MACROH2A1: variants seen among roughly 807,000 people sequenced by gnomAD.
The protein encoded by MACROH2A1 is core histone macro-H2A.1.
MACROH2A1 carries 2 observed loss-of-function variants against 31.6 expected under a neutral mutation model. That is an observed-to-expected ratio of 0.06 (90% CI 0.03 to 0.20). The LOEUF (loss-of-function observed/expected upper bound fraction) is 0.20. MACROH2A1 is among the 10% of genes least tolerant of loss of function. The probability of loss-of-function intolerance (pLI) is 1.00; values close to 1 mark genes in which losing one functional copy is unlikely to be tolerated. For missense variants in MACROH2A1, 230 were observed against 474.0 expected (o/e 0.49, Z 4.78); for synonymous variants, 169 against 189.6 (o/e 0.89, Z 0.89).
chr5:135,375,634 A>C (rs566622873), intron 2 of MACROH2A1, among the ~76,000 whole-genome samples: 1 of 152,206 alleles, frequency 6.6e-6, no homozygotes, highest in Non-Finnish European at 1.5e-5. Context: ...TGCAATAGGA[A>C]AGAGTCAGGG....
At chr5:135,371,435 G>A (rs576291926) in intron 2 of MACROH2A1, among the ~76,000 whole-genome samples, 1 of 152,266 alleles carries the variant, frequency 6.6e-6, no homozygotes, top group Non-Finnish European at 1.5e-5. Context: ...TAAAATGTAT[G>A]CAAGAAAATA....
chr5:135,360,083 T>C, intron 5 of MACROH2A1: 1 of 273,150 alleles, frequency 3.7e-6, no homozygotes, highest in Non-Finnish European at 6.8e-6. Context: ...GACCTGAGGC[T>C]CTACCGTTAG....
rs1267768006 is a variant in MACROH2A1 at position 135,334,833 on chromosome 5, G to A, written c.*143C>T. ...TTAGAAGGTCAAAAACAATTAAACTGGAAACCAAAGCCTTATTTTCCCTAG... is the reference window on the plus strand; with the variant it reads ...TTAGAAGGTCAAAAACAATTAAACTAGAAACCAAAGCCTTATTTTCCCTAG... On this transcript the variant is annotated 3_prime_UTR_variant, in exon 9 of 9. Transcript: ENST00000511689. 2.9e-6 allele frequency: 2 copies of A among 701,328 alleles called. No homozygotes were observed. The highest frequency in any genetic ancestry group is 5.0e-6 in the Non-Finnish European group (2 of 403,812). The allele number at this position is 701,328 out of a possible 1,614,324, so 43.4% of individuals were successfully genotyped here.
chr5:135,343,650 A>G, intron 7 of MACROH2A1: 1 of 674,798 alleles, frequency 1.5e-6, no homozygotes, highest in South Asian at 2.0e-5. Flanking sequence ...ATGTGTCACC[A>G]CCAGGAATTT....
chr5:135,343,810 C>A (rs982108185), intron 7 of MACROH2A1: 2 of 265,202 alleles, frequency 7.5e-6, no homozygotes, highest in South Asian at 5.3e-5. Context: ...GGGTTTCCAA[C>A]CCTTCTTCTT....
intron 2 of MACROH2A1, among the ~76,000 whole-genome samples, chr5:135,387,627 G>A (rs1766598066): frequency 6.6e-6 from 1 of 152,146 alleles, no homozygotes; most frequent in Non-Finnish European, 1.5e-5. Context: ...ATTACGACAG[G>A]ACAGCAGGAT....
rs563409731 is a variant in MACROH2A1 at position 135,341,717 on chromosome 5, C to A, written c.953+1543G>T. The stretch of plus-strand genomic sequence containing the variant: ...TGGCAGCATGCAGGAGGCAAAATCA[C>A]GAGGCCTGCCTAAGCGGAAAATGGC... On this transcript the variant is annotated intron_variant, in intron 8 of 8. Coordinates refer to ENST00000511689, the MANE Select transcript of MACROH2A1 (RefSeq NM_138610.3). Among the ~76,000 whole-genome samples the A allele has an allele frequency of 3.3e-5, 5 of 152,352 alleles. No individual in the cohort carries two copies. The South Asian group carries it at 6.2e-4, about 19-fold the overall frequency.
intron 4 of MACROH2A1, among the ~76,000 whole-genome samples, chr5:135,365,043 A>G (rs1158003548): frequency 1.3e-5 from 2 of 152,174 alleles, no homozygotes. Flanking sequence ...TATTTATCCA[A>G]AAGTTTGGCA....
At chr5:135,355,300 T>C (rs559259628) in intron 5 of MACROH2A1, 22 of 455,716 alleles carry the variant, frequency 4.8e-5, no homozygotes, top group African/African-American at 3.8e-4. Flanking sequence ...TACCTTCCCT[T>C]CTGACCAGAG....
chr5:135,347,445 G>C (rs904756218), intron 6 of MACROH2A1: 7 of 152,240 alleles, frequency 4.6e-5, no homozygotes, highest in African/African-American at 1.7e-4. Context: ...CACAAACTTA[G>C]CATCCTTGAG....
intron 1 of MACROH2A1, among the ~76,000 whole-genome samples, chr5:135,391,130 C>T (rs1033074533): frequency 3.9e-5 from 6 of 152,206 alleles, no homozygotes; most frequent in Non-Finnish European, 7.3e-5. Context: ...TGTGCTCACT[C>T]TGAGCAGGAA....
At chr5:135,378,311 C>G in intron 2 of MACROH2A1, among the ~76,000 whole-genome samples, 1 of 152,244 alleles carries the variant, frequency 6.6e-6, no homozygotes, top group East Asian at 1.9e-4. Context: ...GGCGGGCCAG[C>G]ACATGTCACT....
In MACROH2A1 at chr5:135,351,543, A is replaced by ATTTTTTTTTTTTTTTT. The variant is rs57605717; in HGVS notation, c.688+1387_688+1402dup. ...TAGCCTATCTTATTTTTATGGTTTA[A>ATTTTTTTTTTTTTTTT]TTTTTTTTTTTTTTTTTTTTTTTTT... On this transcript the variant is annotated intron_variant, in intron 6 of 8. Transcript: ENST00000511689. 14 of 48,498 alleles carry ATTTTTTTTTTTTTTTT rather than the reference A, an allele frequency of 2.9e-4. 4 individuals are homozygous for ATTTTTTTTTTTTTTTT. Among genetic ancestry groups the ATTTTTTTTTTTTTTTT allele is most frequent in the African/African-American group, 3.8e-4 (5 of 13,010 alleles). The allele number at this position is 48,498 out of a possible 1,614,324, so 3.0% of individuals were successfully genotyped here.
At chr5:135,347,221 C>A (rs1214357551) in intron 6 of MACROH2A1, 1 of 152,218 alleles carries the variant, frequency 6.6e-6, no homozygotes, top group African/African-American at 2.4e-5. Context: ...TGAAACTTGC[C>A]TCCTTTGAAT....
intron 4 of MACROH2A1, among the ~76,000 whole-genome samples, chr5:135,363,554 A>G (rs1763114903): frequency 6.6e-6 from 1 of 152,206 alleles, no homozygotes; most frequent in Non-Finnish European, 1.5e-5. Context: ...TATATGTGCC[A>G]TATTTTCTTA....
At chr5:135,377,812 C>T (rs1312884093) in intron 2 of MACROH2A1, among the ~76,000 whole-genome samples, 3 of 152,224 alleles carry the variant, frequency 2.0e-5, no homozygotes, top group African/African-American at 7.2e-5. Context: ...CACAAGCCCC[C>T]TTACCCTCAG....
intron 2 of MACROH2A1, among the ~76,000 whole-genome samples, chr5:135,386,467 ATAT>A (rs1766415183): frequency 6.6e-6 from 1 of 152,214 alleles, no homozygotes; most frequent in South Asian, 2.1e-4. Context: ...TTAAAAATAC[ATAT>A]TATTATTTAA....
rs1166456615 is a variant in MACROH2A1 at position 135,360,460 on chromosome 5, G to C, written c.588+37C>G. On this transcript the variant is annotated intron_variant, in intron 5 of 8. Transcript: ENST00000511689. ...GTAGCCTGTGCCCACCTGTCCCTTG[G>C]GGCCCTCGAGTAGACTGAGGCCGCG... is the stretch of plus-strand genomic sequence containing the variant. 5 of 1,339,248 alleles carry C rather than the reference G, an allele frequency of 3.7e-6. No homozygotes were observed. In the Admixed American group the frequency reaches 5.0e-5, roughly 13 times the overall value. 83.0% of individuals were successfully genotyped at this position (1,339,248 alleles called of 1,614,324 possible).
chr5:135,365,650 C>T (rs1401878737), intron 4 of MACROH2A1, among the ~76,000 whole-genome samples: 1 of 152,164 alleles, frequency 6.6e-6, no homozygotes, highest in East Asian at 1.9e-4. Context: ...TTTAAAAACT[C>T]AGTATTAAAT....
Sources: allele counts gnomAD v4.1 joint callset (sites outside exome capture counted in the v4.1 genomes callset), GRCh38; gene constraint gnomAD v4.1.1; transcripts MANE v1.5; gene names NCBI Gene and HGNC (gene_info 2026-07-23, HGNC 2026-07-21).